Variants in ASTN1 observed in about 807,000 individuals in gnomAD.
ASTN1 encodes the protein astrotactin-1.
Under a neutral mutation model 140.7 loss-of-function variants are expected in ASTN1, and 41 were observed. The observed-to-expected ratio is 0.29, with a 90% CI of 0.23 to 0.38. ASTN1 has a LOEUF of 0.38. ASTN1 is among the 10% of genes least tolerant of loss of function. ASTN1 has a pLI of 1.00. For synonymous variants in ASTN1, 640 were observed against 652.2 expected (o/e 0.98, Z 0.29); for missense variants, 1,479 against 1,678.8 (o/e 0.88, Z 2.08).
At chr1:176,970,546 G>T (rs1457437242) in intron 8 of ASTN1, among the ~76,000 whole-genome samples, 1 of 152,010 alleles carries the variant, frequency 6.6e-6, no homozygotes, top group African/African-American at 2.4e-5. Flanking sequence ...AAAGGGAGAA[G>T]AAATAGAGAT....
chr1:176,929,119 G>C (rs544979750), intron 16 of ASTN1, among the ~76,000 whole-genome samples: 2 of 152,218 alleles, frequency 1.3e-5, no homozygotes, highest in African/African-American at 4.8e-5. Context: ...GGGTACTTGG[G>C]GTAGGTAGCA....
intron 16 of ASTN1, among the ~76,000 whole-genome samples, chr1:176,917,188 G>A (rs925458551): frequency 6.6e-6 from 1 of 152,028 alleles, no homozygotes; most frequent in Non-Finnish European, 1.5e-5. Flanking sequence ...GTAATTTCTG[G>A]TTTCCTAGAC....
chr1:177,090,672 C>T (rs1558088288), intron 1 of ASTN1, among the ~76,000 whole-genome samples: 1 of 152,200 alleles, frequency 6.6e-6, no homozygotes, highest in African/African-American at 2.4e-5. Context: ...GAAGGCCACA[C>T]ATCTACAGAG....
chr1:177,164,165 G>T (rs568505285), intron 1 of ASTN1, among the ~76,000 whole-genome samples: 2 of 152,240 alleles, frequency 1.3e-5, no homozygotes, highest in South Asian at 4.2e-4. Context: ...TTGAGGCAGG[G>T]CAGCTGAGAG....
chr1:176,862,187 G>A lies in ASTN1; in HGVS notation c.*2097C>T. 3.0e-6 allele frequency: 3 copies of A among 985,444 alleles called. No individual in the cohort carries two copies. The highest frequency in any genetic ancestry group is 3.6e-6 in the Non-Finnish European group (3 of 829,938). 61.0% of individuals were successfully genotyped at this position (985,444 alleles called of 1,614,324 possible). The stretch of plus-strand genomic sequence containing the variant: ...TCCAGCATTTGCCACAGGTGGGACA[G>A]CCAATTTTTCTGCTGATCTTTGCTT... On this transcript the variant is annotated 3_prime_UTR_variant, in exon 23 of 23. Coordinates refer to ENST00000361833, the MANE Select transcript of ASTN1 (RefSeq NM_004319.3).
chr1:176,969,044 C>T (rs1192773494), intron 8 of ASTN1, among the ~76,000 whole-genome samples: 5 of 152,082 alleles, frequency 3.3e-5, no homozygotes, highest in South Asian at 2.1e-4. Flanking sequence ...AAGAGCTGGA[C>T]GTAAAAGCAC....
Position 176,864,266 on chromosome 1 carries a change from C to T in ASTN1, c.*18G>A, listed in dbSNP as rs879675526. ...CTTTCCTACTTCATTCTGGCAGCAG[C>T]TCCCTGGCCTTATGGTGCTAGATCT... is the stretch of plus-strand genomic sequence containing the variant. On this transcript the variant is annotated 3_prime_UTR_variant, in exon 23 of 23. Coordinates refer to ENST00000361833, the MANE Select transcript of ASTN1 (RefSeq NM_004319.3). 8.7e-6 allele frequency: 14 copies of T among 1,609,666 alleles called. No homozygotes were observed. The highest frequency in any genetic ancestry group is 9.3e-6 in the Non-Finnish European group (11 of 1,177,286).
chr1:177,082,304 T>C (rs1382407648), intron 1 of ASTN1, among the ~76,000 whole-genome samples: 1 of 152,164 alleles, frequency 6.6e-6, no homozygotes, highest in Non-Finnish European at 1.5e-5. Context: ...GAAAGGCTTC[T>C]CTGGACCTGA....
At chr1:177,096,277 T>C (rs1208745629) in intron 1 of ASTN1, among the ~76,000 whole-genome samples, 3 of 152,182 alleles carry the variant, frequency 2.0e-5, no homozygotes, top group African/African-American at 7.2e-5. Flanking sequence ...AAGTAGATGC[T>C]GGAATGAGTT....
At chr1:177,133,303 C>A (rs1682027019) in intron 1 of ASTN1, among the ~76,000 whole-genome samples, 2 of 152,216 alleles carry the variant, frequency 1.3e-5, no homozygotes, top group Admixed American at 6.5e-5. Context: ...CAGTCACTCA[C>A]AGACTGAATT....
intron 16 of ASTN1, among the ~76,000 whole-genome samples, chr1:176,920,366 C>T (rs549345753): frequency 1.3e-5 from 2 of 152,288 alleles, no homozygotes; most frequent in Non-Finnish European, 2.9e-5. Flanking sequence ...CTTCACAAAA[C>T]TGCAAGGGAG....
chr1:176,860,463 A>T (rs1667928369), downstream of ASTN1, among the ~76,000 whole-genome samples: 1 of 152,202 alleles, frequency 6.6e-6, no homozygotes, highest in Non-Finnish European at 1.5e-5. Flanking sequence ...AGCTGAGATA[A>T]TCTCTATTTA....
chr1:176,937,617 A>G (rs1024317919), intron 14 of ASTN1, among the ~76,000 whole-genome samples: 1 of 152,236 alleles, frequency 6.6e-6, no homozygotes, highest in Non-Finnish European at 1.5e-5. Flanking sequence ...TGCTAAGTTT[A>G]GAAAACCAAT....
chr1:176,922,958 T>C (rs1670799355), intron 16 of ASTN1, among the ~76,000 whole-genome samples: 1 of 152,216 alleles, frequency 6.6e-6, no homozygotes, highest in African/African-American at 2.4e-5. Flanking sequence ...AAATACTAGA[T>C]ATTGCGCTTT....
intron 7 of ASTN1, among the ~76,000 whole-genome samples, chr1:177,022,056 G>C (rs1675852279): frequency 6.6e-6 from 1 of 152,130 alleles, no homozygotes; most frequent in African/African-American, 2.4e-5. Context: ...TAGAATCTCT[G>C]TGATGGGCCC....
At chr1:176,975,264 C>A (rs182342315) in intron 8 of ASTN1, among the ~76,000 whole-genome samples, 42 of 152,328 alleles carry the variant, frequency 2.8e-4, no homozygotes, top group Non-Finnish European at 5.0e-4. Flanking sequence ...ACTTAGAGAA[C>A]TCTACAGCTG....
chr1:177,163,500 G>A (rs1228057509), intron 1 of ASTN1, among the ~76,000 whole-genome samples: 1 of 152,070 alleles, frequency 6.6e-6, no homozygotes, highest in Non-Finnish European at 1.5e-5. Context: ...GTAATGTATG[G>A]GTTCCAGTAC....
chr1:177,151,838 C>T (rs1360231933), intron 1 of ASTN1, among the ~76,000 whole-genome samples: 4 of 152,090 alleles, frequency 2.6e-5, no homozygotes, highest in Admixed American at 2.6e-4. Context: ...GGCCATGAAG[C>T]TAAGAACATG....
rs369654256 is a variant in ASTN1 at position 177,047,354 on chromosome 1, A to C, written c.471+13724T>G. ...GTATTAAATAGCAAGGGAGGTCCAC[A>C]AAATATGACAGGGAGGTCCAGAAAA... On this transcript the variant is annotated intron_variant, in intron 2 of 22. Transcript: ENST00000361833. Among the ~76,000 whole-genome samples, 32 of 151,534 alleles carry C rather than the reference A, an allele frequency of 2.1e-4. No individual in the cohort carries two copies. In the South Asian group the frequency reaches 6.4e-3, roughly 30 times the overall value.
Sources: allele counts gnomAD v4.1 joint callset (sites outside exome capture counted in the v4.1 genomes callset), GRCh38; gene constraint gnomAD v4.1.1; transcripts MANE v1.5; gene names NCBI Gene and HGNC (gene_info 2026-07-23, HGNC 2026-07-21).